The following FER1L6 variants were observed in gnomAD, a reference collection of about 807,000 sequenced individuals.
FER1L6 encodes fer-1-like protein 6.
In FER1L6, 177 loss-of-function variants were observed where a neutral mutation model predicts 219.2. That is an observed-to-expected ratio of 0.81 (90% CI 0.71 to 0.91). The LOEUF is 0.91. Ranked by LOEUF, FER1L6 falls within the 40% of genes least tolerant of loss-of-function variation. FER1L6 has a pLI of 0.00. For synonymous variants in FER1L6, 768 were observed against 824.3 expected, an observed-to-expected ratio of 0.93 and a Z score of 1.17; for missense variants, 2,153 against 2,259.9, an observed-to-expected ratio of 0.95 and a Z score of 0.96.
At chr8:124,067,600 C>A (rs189923876) in intron 27 of FER1L6, among the ~76,000 whole-genome samples, 167 bp from the exon 28 acceptor site, 1 of 152,152 alleles carries the variant, frequency 6.6e-6, no homozygotes, top group African/African-American at 2.4e-5. Flanking sequence ...TTGGGCTTAA[C>A]CCCCAGATCT....
chr8:123,899,889 A>T (rs1478396177), intron 1 of FER1L6, among the ~76,000 whole-genome samples: 1 of 151,882 alleles, frequency 6.6e-6, no homozygotes, highest in East Asian at 1.9e-4. Context: ...TGCTGTTTGG[A>T]TGACTATGGC....
chr8:124,113,006 C>A lies in FER1L6; in HGVS notation c.5290-5838C>A, dbSNP rs574882064. 3.9e-5 allele frequency among the ~76,000 whole-genome samples: 6 copies of A among 152,212 alleles called. No individual in the cohort carries two copies. In the East Asian group the frequency reaches 1.2e-3, roughly 29 times the overall value. Reference sequence around the variant, plus strand: ...GGTTATTCCTAATATTTTCTCTATGCATAAATTTTAGTTCCCTTTACATAA... The same window carrying A: ...GGTTATTCCTAATATTTTCTCTATGAATAAATTTTAGTTCCCTTTACATAA... On this transcript the variant is annotated intron_variant, in intron 39 of 40. Coordinates refer to ENST00000522917, the MANE Select transcript of FER1L6 (RefSeq NM_001039112.2).
chr8:123,948,398 G>A (rs1385060553), intron 1 of FER1L6, among the ~76,000 whole-genome samples: 2 of 152,152 alleles, frequency 1.3e-5, no homozygotes, highest in African/African-American at 4.8e-5. Context: ...GAAAATTTTT[G>A]CAAAGGAAAT....
Position 123,853,275 on chromosome 8 carries a change from C to T in FER1L6, c.-8+1090C>T, listed in dbSNP as rs913940619. Reference sequence around the variant, plus strand: ...GTTCAAGTGAGTCTCGTGCCTCAGGCTCCAGAATAGCTGGGATTACAGGTG... The same window carrying T: ...GTTCAAGTGAGTCTCGTGCCTCAGGTTCCAGAATAGCTGGGATTACAGGTG... On this transcript the variant is annotated intron_variant, in intron 1 of 40. Coordinates refer to ENST00000522917, the MANE Select transcript of FER1L6 (RefSeq NM_001039112.2). The surrounding 1 kb of genome is among the most constrained non-coding windows in gnomAD (Gnocchi z 6.6). 9.2e-5 allele frequency among the ~76,000 whole-genome samples: 14 copies of T among 152,188 alleles called. No homozygotes were observed. The highest frequency in any genetic ancestry group is 2.4e-4 in the African/African-American group (10 of 41,442).
chr8:123,869,403 A>G (rs184713468), intron 1 of FER1L6, among the ~76,000 whole-genome samples: 99 of 152,258 alleles, frequency 6.5e-4, no homozygotes, highest in African/African-American at 2.4e-3. Context: ...AGATCCTTCC[A>G]TTGTCTCATA....
chr8:123,902,515 T>C (rs975872869), intron 1 of FER1L6, among the ~76,000 whole-genome samples: 1 of 152,188 alleles, frequency 6.6e-6, no homozygotes, highest in African/African-American at 2.4e-5. Flanking sequence ...ATGTTTAGGA[T>C]TGTGATATTT....
At chr8:124,102,583 G>A (rs1203323949) in intron 38 of FER1L6, among the ~76,000 whole-genome samples, 1 of 152,184 alleles carries the variant, frequency 6.6e-6, no homozygotes, top group African/African-American at 2.4e-5. Context: ...AGGAAAAAAT[G>A]GTTAAAGAGA....
In FER1L6 at chr8:124,061,880, C is replaced by T. The variant is rs771809786; in HGVS notation, c.3176C>T (p.Pro1059Leu). 6.6e-5 allele frequency: 106 copies of T among 1,613,858 alleles called. No homozygotes were observed. Among genetic ancestry groups the T allele is most frequent in the Admixed American group, 1.2e-4 (7 of 60,006 alleles). Reference protein sequence around the residue: ...VELPENELLHPPLSICVVDWR... With the variant: ...VELPENELLHLPLSICVVDWR... Reference sequence around the variant, plus strand: ...CTGCCTGAGAACGAGCTTCTGCACCCGCCACTGAGCATCTGCGTGGTGGAC... The same window carrying T: ...CTGCCTGAGAACGAGCTTCTGCACCTGCCACTGAGCATCTGCGTGGTGGAC... Residue 1059 changes from proline (P) to leucine (L), a missense_variant, in exon 25 of 41, where the codon CCG becomes CTG. Pro to Leu is a moderately conservative substitution (Grantham distance 98). Coordinates refer to ENST00000522917, the MANE Select transcript of FER1L6 (RefSeq NM_001039112.2).
intron 1 of FER1L6, among the ~76,000 whole-genome samples, chr8:123,936,091 C>A (rs185702935): frequency 2.0e-5 from 3 of 152,086 alleles, no homozygotes; most frequent in African/African-American, 7.2e-5. Context: ...AATAAGCCTG[C>A]GTATTAGGAT....
intron 39 of FER1L6, among the ~76,000 whole-genome samples, chr8:124,109,826 A>T (rs1563806037): frequency 6.6e-6 from 1 of 152,226 alleles, no homozygotes; most frequent in Non-Finnish European, 1.5e-5. Context: ...GAAGACAGAC[A>T]AGAGAAGCAA....
At chr8:123,979,733 A>T (rs771474632) in intron 10 of FER1L6, among the ~76,000 whole-genome samples, 1 of 152,220 alleles carries the variant, frequency 6.6e-6, no homozygotes, top group Non-Finnish European at 1.5e-5. Flanking sequence ...TTCAGTTTTG[A>T]TGATGAAGTG....
chr8:124,012,411 G>A (rs1817982333), intron 14 of FER1L6, among the ~76,000 whole-genome samples: 1 of 152,184 alleles, frequency 6.6e-6, no homozygotes, highest in Non-Finnish European at 1.5e-5. Flanking sequence ...AAGCAAATCA[G>A]AATTTTTTCC....
At chr8:123,906,078 C>G (rs1812947605) in intron 1 of FER1L6, among the ~76,000 whole-genome samples, 1 of 152,204 alleles carries the variant, frequency 6.6e-6, no homozygotes, top group Admixed American at 6.5e-5. Flanking sequence ...CCTCTCCCAT[C>G]AGTCCTGGGT....
At chr8:123,988,310 G>A (rs992774861) in intron 12 of FER1L6, among the ~76,000 whole-genome samples, 7 of 152,070 alleles carry the variant, frequency 4.6e-5, no homozygotes, top group Admixed American at 1.3e-4. Flanking sequence ...GCTATTCTGC[G>A]TCTCTTGTGG....
At chr8:123,920,766 G>T (rs1813336466) in intron 1 of FER1L6, among the ~76,000 whole-genome samples, 1 of 152,170 alleles carries the variant, frequency 6.6e-6, no homozygotes, top group African/African-American at 2.4e-5. Context: ...TATTTACACT[G>T]TTGTACAATA....
rs773267872 is a variant in FER1L6, at chr8:124,064,574, G to A, written c.3555+1G>A. ...GCCACCAAAAGATGGAAAACCTAAGGTCAGACTAAAATCCCTCTCTATATT... is the reference window on the plus strand; with the variant it reads ...GCCACCAAAAGATGGAAAACCTAAGATCAGACTAAAATCCCTCTCTATATT... On this transcript the variant is annotated splice_donor_variant, in intron 26 of 40. Coordinates refer to ENST00000522917, the MANE Select transcript of FER1L6 (RefSeq NM_001039112.2). LOFTEE classifies it high-confidence loss of function. The A allele has an allele frequency of 6.2e-7, 1 of 1,610,284 alleles. No individual in the cohort carries two copies. Among genetic ancestry groups the A allele is most frequent in the East Asian group, 2.2e-5 (1 of 44,824 alleles).
chr8:123,986,025 GA>G, intron 11 of FER1L6, 42 bp from the exon 12 acceptor site: 1 of 1,172,996 alleles, frequency 8.5e-7, no homozygotes, highest in Non-Finnish European at 1.3e-6. Context: ...CCTAATGAGA[GA>G]AAAAGCCAGT....
chr8:123,911,676 C>T, intron 1 of FER1L6, among the ~76,000 whole-genome samples: 1 of 152,074 alleles, frequency 6.6e-6, no homozygotes, highest in East Asian at 1.9e-4. Flanking sequence ...TAATCTAGGC[C>T]CTTCTTTTTA....
chr8:124,033,913 C>T (rs1307537574), intron 18 of FER1L6, among the ~76,000 whole-genome samples: 1 of 152,096 alleles, frequency 6.6e-6, no homozygotes, highest in East Asian at 1.9e-4. Flanking sequence ...GAGGGAGGGC[C>T]AGGACTGAGT....
Sources: allele counts gnomAD v4.1 joint callset (sites outside exome capture counted in the v4.1 genomes callset), GRCh38; gene constraint gnomAD v4.1.1; non-coding constraint Gnocchi (gnomAD v3.1); transcripts MANE v1.5; gene names NCBI Gene and HGNC (gene_info 2026-07-23, HGNC 2026-07-21).